TFPI: variants seen among roughly 807,000 people sequenced by gnomAD.
The protein encoded by TFPI is anti-convertin.
In TFPI, 15 loss-of-function variants were observed where a neutral mutation model predicts 34.6. That is an observed-to-expected ratio of 0.43 (90% CI 0.29 to 0.67). TFPI has a LOEUF of 0.67. Among genes scored for constraint, TFPI ranks in the 30% least tolerant of loss-of-function variants. The pLI is 0.15. For synonymous variants in TFPI, 105 were observed against 120.1 expected, an observed-to-expected ratio of 0.87 and a Z score of 0.82; for missense variants, 301 against 364.0, an observed-to-expected ratio of 0.83 and a Z score of 1.41.
chr2:187,518,903 C>T (rs1033079745), intron 1 of TFPI: 11 of 152,054 alleles, frequency 7.2e-5, no homozygotes, highest in African/African-American at 2.7e-4. Flanking sequence ...AATCTTCTAC[C>T]TCTGATATCC....
intron 6 of TFPI, among the ~76,000 whole-genome samples, chr2:187,476,049 C>T (rs1692350674): frequency 6.6e-6 from 1 of 152,124 alleles, no homozygotes; most frequent in Non-Finnish European, 1.5e-5. Flanking sequence ...AGTGCTGATT[C>T]AAACAGTATT....
At chr2:187,493,214 C>T (rs1685238988) in intron 3 of TFPI, among the ~76,000 whole-genome samples, 1 of 152,196 alleles carries the variant, frequency 6.6e-6, no homozygotes, top group African/African-American at 2.4e-5. Context: ...CTTCGGTATA[C>T]TCTCAGGCTC....
chr2:187,527,556 GTC>G (rs1687742482), intron 1 of TFPI, among the ~76,000 whole-genome samples: 1 of 152,098 alleles, frequency 6.6e-6, no homozygotes, highest in African/African-American at 2.4e-5. Flanking sequence ...CTTTATTAAT[GTC>G]CCTGTTGGGT....
chr2:187,472,478 T>TA (rs1480812919), intron 6 of TFPI, among the ~76,000 whole-genome samples: 1 of 152,170 alleles, frequency 6.6e-6, no homozygotes, highest in East Asian at 1.9e-4. Context: ...TTCACAAATT[T>TA]ATATGCCTAC....
rs1559161544 is a variant in TFPI at position 187,546,299 on chromosome 2, T to TC, written c.-3+7900dup. ...ATTTGTAAGTTTTTTTTTTTTTTTT[T>TC]CAGAAAAAGATTACATTGTTTTCTT... On this transcript the variant is annotated intron_variant, in intron 1 of 7. Transcript: ENST00000233156. 3.5e-5 allele frequency among the ~76,000 whole-genome samples: 5 copies of TC among 143,694 alleles called. No individual in the cohort carries two copies. In the East Asian group the frequency reaches 9.8e-4, roughly 28 times the overall value. 94.3% of individuals were successfully genotyped at this position (143,694 alleles called of 152,430 possible).
At chr2:187,551,407 C>A (rs971674078) in intron 1 of TFPI, among the ~76,000 whole-genome samples, 22 of 152,110 alleles carry the variant, frequency 1.4e-4, no homozygotes, top group Admixed American at 1.1e-3. Context: ...TGGGCCCATA[C>A]TTTCTGTTAT....
In TFPI at chr2:187,468,791, C is replaced by T. The variant is rs8176590; in HGVS notation, c.629-859G>A. 3.8e-3 allele frequency among the ~76,000 whole-genome samples: 578 copies of T among 151,628 alleles called. 7 individuals are homozygous for T. Among genetic ancestry groups the T allele is most frequent in the African/African-American group, 0.013 (555 of 41,150 alleles). ...TCAGTGAGGGGCACCGAGTACTCTT[C>T]GGTAGCACAGCTAAACTGCTTGATG... is the stretch of plus-strand genomic sequence containing the variant. On this transcript the variant is annotated intron_variant, in intron 6 of 7. Coordinates refer to ENST00000233156, the MANE Select transcript of TFPI (RefSeq NM_006287.6).
intron 6 of TFPI, among the ~76,000 whole-genome samples, chr2:187,473,710 A>G (rs1259771835): frequency 6.6e-6 from 1 of 151,930 alleles, no homozygotes; most frequent in African/African-American, 2.4e-5. Context: ...TCTATTCATT[A>G]ATCAGGAGAA....
At chr2:187,524,329 C>T (rs1354948173) in intron 1 of TFPI, among the ~76,000 whole-genome samples, 1 of 152,050 alleles carries the variant, frequency 6.6e-6, no homozygotes, top group Non-Finnish European at 1.5e-5. Flanking sequence ...AATTTCCAGA[C>T]TGCTTTCCAA....
chr2:187,499,381 AAACACATTTTCTCTATCACTGAAGTTAT>A (rs1467141532), intron 2 of TFPI: 1 of 152,148 alleles, frequency 6.6e-6, no homozygotes, highest in Non-Finnish European at 1.5e-5. Flanking sequence ...TGACTTGTTA[AAACACATTTTCTCTATCACTGAAGTTAT>A]AATTGTCAGT....
chr2:187,484,176 A>G lies in TFPI; in HGVS notation c.576T>C (p.Asn192=), dbSNP rs1196696559. Residue 192 remains asparagine, a synonymous_variant, in exon 6 of 8, where the codon AAT becomes AAC. Transcript: ENST00000233156. ...FQVDNYGTQL[N]AVNNSLTPQS... is the part of the protein sequence containing the mutation. ...GCGGAGTCAGGGAGTTATTCACAGC[A>G]TTGAGCTGGGTTCCATAATTATCCA... 2 of 1,612,428 alleles carry G rather than the reference A, an allele frequency of 1.2e-6. No homozygotes were observed. The highest frequency in any genetic ancestry group is 1.7e-6 in the Non-Finnish European group (2 of 1,178,836).
At position 187,466,700 on chromosome 2, in the gene TFPI, T is replaced by A. The variant is rs1239328801; in HGVS notation, c.*236A>T. On this transcript the variant is annotated 3_prime_UTR_variant, in exon 8 of 8. Coordinates refer to ENST00000233156, the MANE Select transcript of TFPI (RefSeq NM_006287.6). ...GTAGTTAAATGAAAATACAGATAGA[T>A]CCAGAAAATAAGTAATTTCCCAGTA... The A allele has an allele frequency of 3.5e-6, 1 of 282,982 alleles. No individual in the cohort carries two copies. Among genetic ancestry groups the A allele is most frequent in the Non-Finnish European group, 6.8e-6 (1 of 147,646 alleles). 17.5% of individuals were successfully genotyped at this position (282,982 alleles called of 1,614,324 possible).
chr2:187,530,122 C>T (rs1687886820), intron 1 of TFPI, among the ~76,000 whole-genome samples: 2 of 152,232 alleles, frequency 1.3e-5, no homozygotes, highest in African/African-American at 4.8e-5. Context: ...AAAACAGATC[C>T]TCACCTTCGA....
intron 2 of TFPI, among the ~76,000 whole-genome samples, chr2:187,501,099 CTT>C (rs1441026279): frequency 6.6e-6 from 1 of 152,014 alleles, no homozygotes; most frequent in African/African-American, 2.4e-5. Flanking sequence ...GAAATTGAGA[CTT>C]GAAGGAAATG....
intron 6 of TFPI, chr2:187,478,631 T>C (rs1277279638): frequency 6.3e-7 from 1 of 1,592,202 alleles, no homozygotes; most frequent in South Asian, 1.1e-5. Context: ...ATCAAAGGCA[T>C]CACGTATACA....
chr2:187,524,611 C>G (rs1331489029), intron 1 of TFPI, among the ~76,000 whole-genome samples: 1 of 151,918 alleles, frequency 6.6e-6, no homozygotes. Flanking sequence ...CAGTACAGAT[C>G]TTTGGATATA....
At chr2:187,474,070 G>C (rs8176625) in intron 6 of TFPI, among the ~76,000 whole-genome samples, 2 of 151,984 alleles carry the variant, frequency 1.3e-5, no homozygotes, top group Non-Finnish European at 2.9e-5. Context: ...TCTAAGCAAG[G>C]CCACAAAGAA....
At chr2:187,497,825 C>A (rs1685588101) in intron 2 of TFPI, among the ~76,000 whole-genome samples, 1 of 151,136 alleles carries the variant, frequency 6.6e-6, no homozygotes. Context: ...TTTTTCAAGT[C>A]CAATAAAATT....
At chr2:187,504,469 A>G (rs1322397771) in intron 1 of TFPI, among the ~76,000 whole-genome samples, 1 of 151,896 alleles carries the variant, frequency 6.6e-6, no homozygotes, top group African/African-American at 2.4e-5. Flanking sequence ...ACTCTAAGTG[A>G]TAAGCCATCA....
Sources: allele counts gnomAD v4.1 joint callset (sites outside exome capture counted in the v4.1 genomes callset), GRCh38; gene constraint gnomAD v4.1.1; transcripts MANE v1.5; gene names NCBI Gene and HGNC (gene_info 2026-07-23, HGNC 2026-07-21).